CENPP: variants seen among roughly 807,000 people sequenced by gnomAD.
CENPP encodes the protein centromere protein P.
Under a neutral mutation model 35.6 loss-of-function variants are expected in CENPP, and 24 were observed. The ratio of observed to expected loss-of-function variants is 0.67; its 90% CI spans 0.49 to 0.95. The LOEUF (loss-of-function observed/expected upper bound fraction) is 0.95. Ranked by LOEUF, CENPP falls within the 40% of genes least tolerant of loss-of-function variation. The probability of loss-of-function intolerance (pLI) is 0.00; values close to 1 mark genes in which losing one functional copy is unlikely to be tolerated. For missense variants in CENPP, 332 were observed against 345.3 expected (o/e 0.96, Z 0.31); for synonymous variants, 120 against 125.5 (o/e 0.96, Z 0.29).
At position 92,613,324 on chromosome 9, in the gene CENPP, TTAAGTATAAAATGCCAAA is replaced by T. The variant is rs1209540978; in HGVS notation, c.*179_*196del. On this transcript the variant is annotated 3_prime_UTR_variant, in exon 8 of 8. Coordinates refer to ENST00000375587, the MANE Select transcript of CENPP (RefSeq NM_001012267.3). ...TGACATGAAAAATAAATACAACTAGTTAAGTATAAAATGCCAAATAAAAGTGACACGTACAATGTGGTT... is the reference window on the plus strand; with the variant it reads ...TGACATGAAAAATAAATACAACTAGTTAAAAGTGACACGTACAATGTGGTT... The T allele has an allele frequency of 3.0e-6, 2 of 666,056 alleles. No homozygotes were observed. Among genetic ancestry groups the T allele is most frequent in the Non-Finnish European group, 5.0e-6 (2 of 401,360 alleles). 41.3% of individuals were successfully genotyped at this position (666,056 alleles called of 1,614,324 possible). A position where few individuals can be genotyped will look rare whatever the true frequency, so the allele number is the denominator to read the frequency against.
At chr9:92,341,954 C>T (rs921057668) in intron 3 of CENPP, among the ~76,000 whole-genome samples, 5 of 152,182 alleles carry the variant, frequency 3.3e-5, no homozygotes, top group Non-Finnish European at 7.3e-5. Context: ...TTGAGCTGTG[C>T]CAGACAGAAA....
chr9:92,466,444 G>A (rs746176926), intron 5 of CENPP: 4 of 1,609,262 alleles, frequency 2.5e-6, no homozygotes, highest in Non-Finnish European at 2.6e-6. Context: ...TTCTGCTAAT[G>A]ATTTGGGAAG....
chr9:92,408,098 A>T (rs1843355155), intron 5 of CENPP, among the ~76,000 whole-genome samples: 1 of 152,208 alleles, frequency 6.6e-6, no homozygotes, highest in Admixed American at 6.5e-5. Context: ...TACAAACCAG[A>T]AGAGTCTTTC....
Position 92,573,875 on chromosome 9 carries a change from C to T in CENPP, c.565-37439C>T, listed in dbSNP as rs142390887. Among the ~76,000 whole-genome samples the T allele has an allele frequency of 4.4e-3, 669 of 152,338 alleles. 8 individuals carry two copies. Among genetic ancestry groups the T allele is most frequent in the African/African-American group, 0.015 (626 of 41,566 alleles). On this transcript the variant is annotated intron_variant, in intron 5 of 7. Transcript: ENST00000375587. ...GCTGTGCTAGCAGTGAGCGAGGCTTCGTGGGCATGGAACCCTCTGAGCCAG... is the reference window on the plus strand; with the variant it reads ...GCTGTGCTAGCAGTGAGCGAGGCTTTGTGGGCATGGAACCCTCTGAGCCAG...
chr9:92,489,467 T>C (rs1322333077), intron 5 of CENPP, among the ~76,000 whole-genome samples: 7 of 152,216 alleles, frequency 4.6e-5, no homozygotes, highest in Admixed American at 4.6e-4. Flanking sequence ...AAGGGAAGAA[T>C]TCATTTATAG....
chr9:92,609,924 C>A (rs920068440), intron 5 of CENPP, among the ~76,000 whole-genome samples: 6 of 151,920 alleles, frequency 3.9e-5, no homozygotes, highest in African/African-American at 1.5e-4. Context: ...TTAGTAGAGA[C>A]GGGCTTTCAC....
At chr9:92,551,504 A>T (rs1588268370) in intron 5 of CENPP, among the ~76,000 whole-genome samples, 4 of 151,988 alleles carry the variant, frequency 2.6e-5, no homozygotes, top group Admixed American at 6.6e-5. Context: ...CACCTGGCTA[A>T]TTTATTTTAT....
At chr9:92,470,774 G>A in intron 5 of CENPP, 1 of 1,560,984 alleles carries the variant, frequency 6.4e-7, no homozygotes, top group Non-Finnish European at 8.7e-7. Flanking sequence ...TTGGGACTGA[G>A]GTCAAACCTT....
intron 5 of CENPP, among the ~76,000 whole-genome samples, chr9:92,551,479 G>A (rs1027545767): frequency 3.3e-5 from 5 of 151,930 alleles, no homozygotes; most frequent in Admixed American, 1.3e-4. Flanking sequence ...CTGGGACTAC[G>A]GGCACATACC....
chr9:92,360,812 C>T (rs1209375807), intron 4 of CENPP, among the ~76,000 whole-genome samples: 1 of 151,968 alleles, frequency 6.6e-6, no homozygotes, highest in Non-Finnish European at 1.5e-5. Flanking sequence ...TCACACCATT[C>T]TTCTGCCTCA....
intron 4 of CENPP, among the ~76,000 whole-genome samples, chr9:92,356,215 G>A (rs969167817): frequency 1.2e-4 from 18 of 152,222 alleles, no homozygotes; most frequent in Admixed American, 9.8e-4. Flanking sequence ...AGAATTCTCT[G>A]TCACTCAACT....
chr9:92,356,003 TTCATA>T (rs1841579098), intron 4 of CENPP, among the ~76,000 whole-genome samples: 1 of 152,242 alleles, frequency 6.6e-6, no homozygotes, highest in South Asian at 2.1e-4. Flanking sequence ...TTTCTAAATT[TTCATA>T]TCATATCAGA....
chr9:92,500,703 A>T (rs755665680), intron 5 of CENPP: 1 of 1,588,726 alleles, frequency 6.3e-7, no homozygotes, highest in East Asian at 2.2e-5. Flanking sequence ...ATTTAAACAG[A>T]TACTTGAAAA....
chr9:92,417,680 A>G (rs1843660010), intron 5 of CENPP: 1 of 657,248 alleles, frequency 1.5e-6, no homozygotes, highest in East Asian at 2.9e-5. Flanking sequence ...ATGTCTATAT[A>G]TAAAAGAATA....
chr9:92,546,870 C>T (rs888128330), intron 5 of CENPP, among the ~76,000 whole-genome samples: 5 of 152,132 alleles, frequency 3.3e-5, no homozygotes, highest in Non-Finnish European at 7.3e-5. Flanking sequence ...ATATTGAGTT[C>T]ATAATTTCAA....
intron 5 of CENPP, among the ~76,000 whole-genome samples, chr9:92,518,131 A>G (rs1183064122): frequency 6.6e-6 from 1 of 152,196 alleles, no homozygotes; most frequent in Non-Finnish European, 1.5e-5. Context: ...CTGCGCTTCC[A>G]TTTTGTATCC....
intron 4 of CENPP, among the ~76,000 whole-genome samples, chr9:92,348,392 AC>A (rs1229229940): frequency 2.1e-5 from 3 of 143,610 alleles, no homozygotes; most frequent in Non-Finnish European, 3.0e-5. Flanking sequence ...ACTTCCTATA[AC>A]TTTTTTTTTT....
rs1849688641 is a variant in CENPP, at chr9:92,554,902, C to G, written c.565-56412C>G. On this transcript the variant is annotated intron_variant, in intron 5 of 7. Transcript: ENST00000375587. ...CCATCCGCCTCGGCCTCCCAAAGTG[C>G]TGAGATTACAGGCATGAGCCACTGC... Among the ~76,000 whole-genome samples the G allele has an allele frequency of 2.6e-5, 4 of 152,136 alleles. No individual in the cohort carries two copies. The South Asian group carries it at 8.3e-4, about 31-fold the overall frequency.
intron 5 of CENPP, among the ~76,000 whole-genome samples, chr9:92,461,536 A>G (rs1845111314): frequency 6.6e-6 from 1 of 151,880 alleles, no homozygotes; most frequent in Non-Finnish European, 1.5e-5. Flanking sequence ...CCTTTTGTGG[A>G]TTTGGCTGAC....
Sources: allele counts gnomAD v4.1 joint callset (sites outside exome capture counted in the v4.1 genomes callset), GRCh38; gene constraint gnomAD v4.1.1; transcripts MANE v1.5; gene names NCBI Gene and HGNC (gene_info 2026-07-23, HGNC 2026-07-21).